The following TNIP2 variants were observed in gnomAD, a reference collection of about 807,000 sequenced individuals.
TNIP2 encodes the protein TNFAIP3-interacting protein 2.
A neutral mutation model predicts 43.7 loss-of-function variants in TNIP2; 30 were observed. That is an observed-to-expected ratio of 0.69 (90% confidence interval 0.51 to 0.93). The LOEUF is 0.93. TNIP2 is among the 40% of genes least tolerant of loss of function. The pLI is 0.00. For missense variants in TNIP2, 599 were observed against 591.0 expected (o/e 1.01, Z -0.14); for synonymous variants, 260 against 254.6 (o/e 1.02, Z -0.20).
intron 1 of TNIP2, among the ~76,000 whole-genome samples, chr4:2,751,537 G>A (rs1290959097): frequency 2.0e-5 from 3 of 152,268 alleles, no homozygotes; most frequent in Admixed American, 1.3e-4. Context: ...TTGGGAGGCC[G>A]AGGTGGGAGG....
intron 1 of TNIP2, 138 bp from the exon 2 acceptor site, chr4:2,748,083 T>C (rs1183162289): frequency 3.4e-6 from 3 of 888,372 alleles, no homozygotes; most frequent in Non-Finnish European, 5.0e-6. Context: ...AGTTGGGCGT[T>C]TGAACTAACA....
chr4:2,743,472 G>A (rs1721850158), intron 5 of TNIP2, among the ~76,000 whole-genome samples: 1 of 152,190 alleles, frequency 6.6e-6, no homozygotes, highest in African/African-American at 2.4e-5. Context: ...CCAGCCCTCT[G>A]CTGCAGACTT....
rs772256126 is a variant in TNIP2, at chr4:2,756,099, A to G, written c.191T>C (p.Val64Ala). 2.7e-6 allele frequency: 4 copies of G among 1,506,708 alleles called. No homozygotes were observed. Among genetic ancestry groups the G allele is most frequent in the Non-Finnish European group, 3.5e-6 (4 of 1,139,124 alleles). 93.3% of individuals were successfully genotyped at this position (1,506,708 alleles called of 1,614,324 possible). A position where few individuals can be genotyped will look rare whatever the true frequency, so the allele number is the denominator to read the frequency against. The change falls in exon 1 of 6, where the codon GTG becomes GCG. Residue 64 changes from valine (V) to alanine (A), a missense_variant. Transcript: ENST00000315423. ...CGCAACCTGCTCCAGCAGCGCGTCC[A>G]CTAGGGACGGCGCGGCGTCCCCCTC... is the stretch of plus-strand genomic sequence containing the variant. ...ALEGDAAPSL[V>A]DALLEQVARF...
At chr4:2,746,943 C>T (rs983042367) in intron 2 of TNIP2, among the ~76,000 whole-genome samples, 1 of 152,238 alleles carries the variant, frequency 6.6e-6, no homozygotes, top group African/African-American at 2.4e-5. Context: ...CACGGTCCTT[C>T]TCTCTCCCAC....
rs887219207 is a variant in TNIP2, at chr4:2,747,114, G to A, written c.567+541C>T. On this transcript the variant is annotated intron_variant, in intron 2 of 5. Transcript: ENST00000315423. ...CAGGTCTCCAAGCTTGCGGGAGGCC[G>A]TGCTGCTGGCAAGGACATGCCTAAA... 4.6e-5 allele frequency among the ~76,000 whole-genome samples: 7 copies of A among 152,256 alleles called. No individual in the cohort carries two copies. The East Asian group carries it at 5.8e-4, about 13-fold the overall frequency.
chr4:2,755,879 A>C, intron 1 of TNIP2, 135 bp downstream of exon 1: 7 of 989,232 alleles, frequency 7.1e-6, no homozygotes, highest in South Asian at 2.4e-5. Context: ...TCAGGACCCG[A>C]GGCCAACTCA....
At position 2,747,772 on chromosome 4, in the gene TNIP2, C is replaced by A. The variant is rs1049844802; in HGVS notation, c.450G>T (p.Glu150Asp). 1 of 1,611,710 alleles carries A rather than the reference C, an allele frequency of 6.2e-7. No individual in the cohort carries two copies. The highest frequency in any genetic ancestry group is 8.5e-7 in the Non-Finnish European group (1 of 1,180,044). Residue 150 changes from glutamate (E) to aspartate (D), a missense_variant, in exon 2 of 6, where the codon GAG (glutamate) becomes GAT (aspartate). Transcript: ENST00000315423. ...SDVLCRSLAN[E>D]THQLRRTLTA... ...TCAGCGTCCTCCGCAGCTGATGGGT[C>A]TCGTTGGCCAAGGAGCGGCACAGGA...
chr4:2,742,794 C>T (rs17831665), intron 5 of TNIP2, among the ~76,000 whole-genome samples: 32,243 of 152,152 alleles, frequency 0.21, 4,087 homozygotes, highest in Middle Eastern at 0.33. Flanking sequence ...TTGGACCTAT[C>T]GGCCCCAGGA....
intron 3 of TNIP2, 106 bp from the exon 4 acceptor site, chr4:2,745,051 T>A (rs1192923630): frequency 7.0e-7 from 1 of 1,419,328 alleles, no homozygotes; most frequent in Non-Finnish European, 9.4e-7. Context: ...TGAGTGAGAG[T>A]TTCCTCTTAA....
intron 1 of TNIP2, among the ~76,000 whole-genome samples, chr4:2,754,764 C>T (rs568133056): frequency 7.9e-5 from 12 of 152,324 alleles, no homozygotes; most frequent in Admixed American, 1.3e-4. Flanking sequence ...CTCACTTTGT[C>T]ACCCAGGTTG....
Position 2,756,247 on chromosome 4 carries a change from G to C in TNIP2, c.43C>G (p.Arg15Gly), listed in dbSNP as rs887468917. The C allele has an allele frequency of 2.8e-6, 4 of 1,447,914 alleles. No individual in the cohort carries two copies. The East Asian group carries it at 1.2e-4, about 45-fold the overall frequency. 89.7% of individuals were successfully genotyped at this position (1,447,914 alleles called of 1,614,324 possible). ...AGGGTGCAGAGCGCGGCAGCTGCGC[G>C]CGGGGCCTCCTCCCAGCCGCCCGAC... is the stretch of plus-strand genomic sequence containing the variant. ...PGSGGWEEAP[R>G]AAAALCTLYH... The change falls in exon 1 of 6, where the codon CGC becomes GGC. Residue 15 changes from arginine (R) to glycine (G), a missense_variant. Transcript: ENST00000315423.
At chr4:2,754,482 T>A (rs562449858) in intron 1 of TNIP2, among the ~76,000 whole-genome samples, 13 of 152,378 alleles carry the variant, frequency 8.5e-5, no homozygotes, top group Non-Finnish European at 1.6e-4. Context: ...AGTGGCACAA[T>A]CTCGGCTCAC....
chr4:2,755,282 TAC>T (rs1722201006), intron 1 of TNIP2, among the ~76,000 whole-genome samples: 2 of 149,640 alleles, frequency 1.3e-5, no homozygotes, highest in Non-Finnish European at 2.9e-5. Context: ...CACTACACAA[TAC>T]ACACAGAATA....
At chr4:2,748,024 A>C (rs953905698) in intron 1 of TNIP2, 79 bp from the exon 2 acceptor site, 9 of 1,494,882 alleles carry the variant, frequency 6.0e-6, no homozygotes, top group Non-Finnish European at 8.1e-6. Context: ...AAGCAAAAGA[A>C]GACCTGGCGT....
intron 1 of TNIP2, among the ~76,000 whole-genome samples, chr4:2,753,101 C>A (rs755770550): frequency 6.6e-6 from 1 of 151,768 alleles, no homozygotes; most frequent in Non-Finnish European, 1.5e-5. Context: ...AATAAAAAAA[C>A]AAACAAACAA....
intron 1 of TNIP2, among the ~76,000 whole-genome samples, chr4:2,754,688 T>TA (rs1722185240): frequency 6.6e-6 from 1 of 152,210 alleles, no homozygotes; most frequent in Non-Finnish European, 1.5e-5. Flanking sequence ...GTGCTGGGAT[T>TA]ACAGGCATGA....
chr4:2,748,695 T>A (rs1436806829), intron 1 of TNIP2, among the ~76,000 whole-genome samples: 1 of 134,504 alleles, frequency 7.4e-6, no homozygotes. Context: ...GGTTTCACCA[T>A]GTTGGCCAGG....
Position 2,744,408 on chromosome 4 carries a change from C to T in TNIP2, c.1005G>A (p.Leu335=). 1.2e-6 allele frequency: 2 copies of T among 1,614,242 alleles called. No homozygotes were observed. Among genetic ancestry groups the T allele is most frequent in the Non-Finnish European group, 1.7e-6 (2 of 1,180,032 alleles). The change falls in exon 5 of 6, where the codon CTG becomes CTA. Residue 335 remains leucine, a synonymous_variant. Coordinates refer to ENST00000315423, the MANE Select transcript of TNIP2 (RefSeq NM_024309.4). This position sits in a 1 kb window ranked among gnomAD's most constrained non-coding sequence, Gnocchi z 5.1. ...CTACCTGTCTCCAGGACACCTGGTGCAGCAAAGAGGCGACCTTTTCCTCCA... is the reference window on the plus strand; with the variant it reads ...CTACCTGTCTCCAGGACACCTGGTGTAGCAAAGAGGCGACCTTTTCCTCCA... ...QELEEKVASL[L]HQVSWRQDSR...
chr4:2,750,394 C>T (rs1026480396), intron 1 of TNIP2, among the ~76,000 whole-genome samples: 1 of 96,758 alleles, frequency 1.0e-5, no homozygotes, highest in South Asian at 4.2e-4. Flanking sequence ...CTGCGAGAAC[C>T]CTGATTATTA....
Sources: gnomAD v4.1 joint callset for allele counts (sites outside exome capture counted in the v4.1 genomes callset) on GRCh38, gnomAD v4.1.1 for gene constraint, Gnocchi (gnomAD v3.1) non-coding constraint, MANE v1.5 for transcripts, NCBI Gene and HGNC (gene_info 2026-07-23, HGNC 2026-07-21) for gene names.